Variants in RNGTT observed in about 807,000 individuals in gnomAD.
RNGTT encodes the protein mRNA-capping enzyme.
In RNGTT, 33 loss-of-function variants were observed where a neutral mutation model predicts 79.3. That is an observed-to-expected ratio of 0.42 (90% CI 0.32 to 0.56). The LOEUF (loss-of-function observed/expected upper bound fraction) is 0.56. Among genes scored for constraint, RNGTT ranks in the 20% least tolerant of loss-of-function variants. The pLI is 0.17. For synonymous variants in RNGTT, 222 were observed against 235.9 expected (o/e 0.94, Z 0.54); for missense variants, 497 against 739.1 (o/e 0.67, Z 3.80).
chr6:88,678,180 G>A, intron 14 of RNGTT, 173 bp downstream of exon 14: 1 of 1,245,374 alleles, frequency 8.0e-7, no homozygotes, highest in Non-Finnish European at 1.0e-6. Context: ...TTTTTGTAGA[G>A]ACAGGGTTCC....
At chr6:88,712,302 A>G (rs1562210646) in intron 13 of RNGTT, among the ~76,000 whole-genome samples, 1 of 152,182 alleles carries the variant, frequency 6.6e-6, no homozygotes, top group Non-Finnish European at 1.5e-5. Context: ...AAGGTATAAT[A>G]AATAGGTTGT....
chr6:88,692,824 C>T (rs749304422), intron 13 of RNGTT, among the ~76,000 whole-genome samples: 26 of 152,040 alleles, frequency 1.7e-4, no homozygotes, highest in Non-Finnish European at 3.1e-4. Flanking sequence ...CTTCATCTCT[C>T]AAATTTTGTT....
chr6:88,823,364 AG>A (rs1780556211), intron 11 of RNGTT, among the ~76,000 whole-genome samples: 1 of 151,628 alleles, frequency 6.6e-6, no homozygotes, highest in Admixed American at 6.6e-5. Flanking sequence ...TGAACTCGGG[AG>A]GCTGAGGTTG....
At chr6:88,850,631 A>G (rs1332230103) in intron 9 of RNGTT, among the ~76,000 whole-genome samples, 1 of 151,976 alleles carries the variant, frequency 6.6e-6, no homozygotes, top group Non-Finnish European at 1.5e-5. Context: ...TAGGAAAAAT[A>G]TATTTTGTTG....
At chr6:88,711,322 T>C (rs936697739) in intron 13 of RNGTT, among the ~76,000 whole-genome samples, 1 of 152,194 alleles carries the variant, frequency 6.6e-6, no homozygotes, top group East Asian at 1.9e-4. Context: ...AAGAGCTTAG[T>C]TCCAATCTTG....
At chr6:88,622,525 A>T (rs1362197839) in intron 14 of RNGTT, among the ~76,000 whole-genome samples, 1 of 152,094 alleles carries the variant, frequency 6.6e-6, no homozygotes, top group Non-Finnish European at 1.5e-5. Flanking sequence ...TTACACATTT[A>T]AATTCTGCCT....
intron 13 of RNGTT, among the ~76,000 whole-genome samples, chr6:88,682,280 T>C (rs2127791540): frequency 6.6e-6 from 1 of 152,330 alleles, no homozygotes; most frequent in South Asian, 2.1e-4. Context: ...GTACCCGTTA[T>C]CAGATATATT....
intron 11 of RNGTT, among the ~76,000 whole-genome samples, chr6:88,830,478 A>C (rs555896954): frequency 6.6e-6 from 1 of 152,308 alleles, no homozygotes; most frequent in African/African-American, 2.4e-5. Context: ...AAAGCGGGAA[A>C]GATCTTAAAT....
At chr6:88,871,353 G>GT (rs145032697) in intron 8 of RNGTT, among the ~76,000 whole-genome samples, 2,289 of 143,624 alleles carry the variant, frequency 0.016, 37 homozygotes, top group East Asian at 0.082. Context: ...TAATAGCAGA[G>GT]TTTTTTTTTT....
At chr6:88,909,755 G>C (rs538339978) in intron 4 of RNGTT, among the ~76,000 whole-genome samples, 1 of 152,258 alleles carries the variant, frequency 6.6e-6, no homozygotes, top group East Asian at 1.9e-4. Context: ...GAGCCTATCT[G>C]CCCTTATATT....
intron 8 of RNGTT, among the ~76,000 whole-genome samples, chr6:88,861,777 CCTT>C (rs1380552804): frequency 3.9e-5 from 6 of 152,232 alleles, no homozygotes; most frequent in Non-Finnish European, 7.4e-5. Context: ...GTCTCTATCT[CCTT>C]ATCTTATAAA....
chr6:88,711,412 T>C (rs967237538), intron 13 of RNGTT, among the ~76,000 whole-genome samples: 4 of 152,214 alleles, frequency 2.6e-5, no homozygotes, highest in African/African-American at 9.6e-5. Context: ...AGTAATATTA[T>C]ATAACATGTA....
intron 11 of RNGTT, among the ~76,000 whole-genome samples, chr6:88,822,574 C>T (rs1780529911): frequency 6.6e-6 from 1 of 152,150 alleles, no homozygotes; most frequent in Admixed American, 6.5e-5. Flanking sequence ...GTATAAATCC[C>T]CTGATTCATT....
At chr6:88,954,493 A>G (rs1785361537) in intron 1 of RNGTT, among the ~76,000 whole-genome samples, 1 of 152,152 alleles carries the variant, frequency 6.6e-6, no homozygotes, top group Admixed American at 6.5e-5. Context: ...AGCAATTACT[A>G]CTAGAGACCT....
chr6:88,726,008 T>A (rs1582387190), intron 13 of RNGTT, among the ~76,000 whole-genome samples: 3 of 145,270 alleles, frequency 2.1e-5, no homozygotes, highest in Admixed American at 6.8e-5. Flanking sequence ...AAAGAGGAAA[T>A]CAGAGAGAGA....
rs551228078 is a variant in RNGTT, at chr6:88,892,489, T to C, written c.685-574A>G. ...AGGCAAAGTGGCTAAGCCACAGTCA[T>C]TGGATATATTAACATACTAATAGAA... is the stretch of plus-strand genomic sequence containing the variant. On this transcript the variant is annotated intron_variant, in intron 6 of 15. Transcript: ENST00000369485. 5.3e-5 allele frequency among the ~76,000 whole-genome samples: 8 copies of C among 152,140 alleles called. No homozygotes were observed. In the South Asian group the frequency reaches 6.2e-4, roughly 12 times the overall value.
intron 11 of RNGTT, among the ~76,000 whole-genome samples, chr6:88,807,695 A>T (rs1780003049): frequency 6.6e-6 from 1 of 152,134 alleles, no homozygotes; most frequent in South Asian, 2.1e-4. Context: ...AAAATTAATT[A>T]AACACATAAA....
At chr6:88,809,955 G>A (rs1780082864) in intron 11 of RNGTT, among the ~76,000 whole-genome samples, 1 of 152,048 alleles carries the variant, frequency 6.6e-6, no homozygotes, top group African/African-American at 2.4e-5. Flanking sequence ...GGCTGAGGCA[G>A]AAGGATCATT....
intron 1 of RNGTT, among the ~76,000 whole-genome samples, chr6:88,960,698 G>T (rs948836198): frequency 1.3e-5 from 2 of 152,206 alleles, no homozygotes; most frequent in African/African-American, 4.8e-5. Context: ...CAGTTCTTCA[G>T]AAAATAAAGC....
Sources: allele counts gnomAD v4.1 joint callset (sites outside exome capture counted in the v4.1 genomes callset), GRCh38; gene constraint gnomAD v4.1.1; transcripts MANE v1.5; gene names NCBI Gene and HGNC (gene_info 2026-07-23, HGNC 2026-07-21).